WWC1: variants seen among roughly 807,000 people sequenced by gnomAD.
WWC1 encodes protein KIBRA.
Under a neutral mutation model 138.4 loss-of-function variants are expected in WWC1, and 55 were observed. The observed-to-expected ratio is 0.40, with a 90% CI of 0.32 to 0.50. WWC1 has a LOEUF of 0.50. WWC1 is among the 20% of genes least tolerant of loss of function. The pLI, the probability that WWC1 is intolerant of heterozygous loss-of-function variation, is 0.72. For missense variants in WWC1, 1,226 were observed against 1,420.4 expected, an observed-to-expected ratio of 0.86 and a Z score of 2.20; for synonymous variants, 524 against 564.9, an observed-to-expected ratio of 0.93 and a Z score of 1.03.
chr5:168,450,065 A>G (rs1261695944), intron 17 of WWC1, among the ~76,000 whole-genome samples: 1 of 152,188 alleles, frequency 6.6e-6, no homozygotes. Flanking sequence ...ACTCTCGCCG[A>G]GCTAGCTAGC....
chr5:168,352,441 A>G (rs1028261076), intron 1 of WWC1, among the ~76,000 whole-genome samples: 6 of 152,120 alleles, frequency 3.9e-5, no homozygotes, highest in Non-Finnish European at 8.8e-5. Flanking sequence ...TGCATGGTGC[A>G]TGGTGATTAG....
At chr5:168,376,112 G>A (rs1206746897) in intron 2 of WWC1, among the ~76,000 whole-genome samples, 2 of 150,000 alleles carry the variant, frequency 1.3e-5, no homozygotes, top group Non-Finnish European at 3.0e-5. Flanking sequence ...GTAGTGCAGT[G>A]ATGTGATCTT....
At chr5:168,383,885 G>A (rs1561686516) in intron 2 of WWC1, among the ~76,000 whole-genome samples, 2 of 152,014 alleles carry the variant, frequency 1.3e-5, no homozygotes, top group African/African-American at 4.8e-5. Context: ...TCCATATCTC[G>A]TCAGCTGCTT....
intron 15 of WWC1, among the ~76,000 whole-genome samples, chr5:168,436,188 G>T (rs6890669): frequency 0.33 from 49,795 of 151,896 alleles, 9,351 homozygotes; most frequent in African/African-American, 0.5. Flanking sequence ...TGTTCCTCAG[G>T]GAGCTCCTTG....
intron 15 of WWC1, among the ~76,000 whole-genome samples, chr5:168,437,660 C>T (rs998694266): frequency 5.9e-5 from 9 of 152,172 alleles, no homozygotes; most frequent in Middle Eastern, 3.2e-3. Flanking sequence ...TGAATGAATA[C>T]GTAAATGCCC....
intron 15 of WWC1, among the ~76,000 whole-genome samples, chr5:168,432,635 C>T (rs1006095384): frequency 6.6e-6 from 1 of 152,218 alleles, no homozygotes; most frequent in Non-Finnish European, 1.5e-5. Flanking sequence ...GGTCGCTCCA[C>T]TCATGCTCAG....
At chr5:168,462,237 G>GAA (rs1222569272) in intron 20 of WWC1, among the ~76,000 whole-genome samples, 7 of 51,274 alleles carry the variant, frequency 1.4e-4, no homozygotes, top group East Asian at 1.1e-3. Context: ...AGGGGGAACT[G>GAA]GAGAGAGGAG....
intron 8 of WWC1, among the ~76,000 whole-genome samples, chr5:168,412,606 T>A (rs1443094271): frequency 6.6e-6 from 1 of 152,172 alleles, no homozygotes; most frequent in Non-Finnish European, 1.5e-5. Context: ...TCAAAGCTGA[T>A]CTTGATAGAT....
intron 1 of WWC1, among the ~76,000 whole-genome samples, chr5:168,301,350 G>A (rs567935249): frequency 6.6e-6 from 1 of 152,280 alleles, no homozygotes; most frequent in African/African-American, 2.4e-5. Flanking sequence ...AAAATAGTAA[G>A]TGGGACTGGG....
chr5:168,441,414 GT>G (rs1206239304), intron 15 of WWC1, among the ~76,000 whole-genome samples: 5 of 151,898 alleles, frequency 3.3e-5, no homozygotes, highest in African/African-American at 7.3e-5. Context: ...TAAACTAAAG[GT>G]TTTTTTATCA....
chr5:168,446,086 C>T (rs987257243), intron 17 of WWC1, among the ~76,000 whole-genome samples: 25 of 138,508 alleles, frequency 1.8e-4, no homozygotes, highest in Middle Eastern at 3.6e-3. Flanking sequence ...CTGTTACTAA[C>T]GGAGAAAGTG....
At chr5:168,374,571 G>A (rs1777030032) in intron 2 of WWC1, among the ~76,000 whole-genome samples, 1 of 152,152 alleles carries the variant, frequency 6.6e-6, no homozygotes. Flanking sequence ...GGAGAGGGGA[G>A]AAGGACATCA....
At chr5:168,414,657 T>TG (rs1007811263) in intron 9 of WWC1, 67 bp downstream of exon 9, 5 of 1,478,048 alleles carry the variant, frequency 3.4e-6, no homozygotes, top group African/African-American at 2.8e-5. Flanking sequence ...AGCCCCCAGA[T>TG]GGGGGAAGAA....
chr5:168,327,227 G>A (rs952688048), intron 1 of WWC1, among the ~76,000 whole-genome samples: 1 of 152,078 alleles, frequency 6.6e-6, no homozygotes, highest in African/African-American at 2.4e-5. Context: ...ATGACTCAGG[G>A]CCCCCATTGG....
chr5:168,318,912 C>T (rs1771834066), intron 1 of WWC1, among the ~76,000 whole-genome samples: 2 of 152,214 alleles, frequency 1.3e-5, no homozygotes, highest in Admixed American at 1.3e-4. Context: ...TCTATGTTGT[C>T]GGCTGTGTCA....
rs1307046691 is a variant in WWC1, at chr5:168,468,973, C to T, written c.3298C>T (p.Arg1100Trp). The T allele has an allele frequency of 2.5e-6, 4 of 1,614,104 alleles. No individual in the cohort carries two copies. Among genetic ancestry groups the T allele is most frequent in the African/African-American group, 1.3e-5 (1 of 74,924 alleles). The change falls in exon 23 of 23, where the codon CGG becomes TGG. Residue 1100 changes from arginine to tryptophan, a missense_variant. This residue lies in a region of WWC1 where 206 missense variants were observed against 247.4 expected (regional missense o/e 0.83). Transcript: ENST00000265293. ...TAGGGAGAAGATGGCATTTTTCACC[C>T]GGCCTCGGATGAATATCCCAGCTCT... The part of the protein sequence containing the change: ...SFREKMAFFT[R>W]PRMNIPALSA...
At chr5:168,437,347 A>G (rs1454816302) in intron 15 of WWC1, among the ~76,000 whole-genome samples, 1 of 152,112 alleles carries the variant, frequency 6.6e-6, no homozygotes, top group Non-Finnish European at 1.5e-5. Flanking sequence ...TGTTATCTCT[A>G]CATTTTACTT....
intron 1 of WWC1, among the ~76,000 whole-genome samples, chr5:168,364,440 G>A (rs2152802367): frequency 6.6e-6 from 1 of 152,258 alleles, no homozygotes; most frequent in African/African-American, 2.4e-5. Flanking sequence ...ATTACCTGTG[G>A]CTCAGGCCGC....
intron 2 of WWC1, among the ~76,000 whole-genome samples, chr5:168,381,599 A>T (rs1002103062): frequency 1.3e-5 from 2 of 152,120 alleles, no homozygotes; most frequent in African/African-American, 2.4e-5. Context: ...TGAAATTTTT[A>T]AAAAATTCTC....
Sources: allele counts gnomAD v4.1 joint callset (sites outside exome capture counted in the v4.1 genomes callset), GRCh38; gene constraint gnomAD v4.1.1; regional missense constraint gnomAD v4.1.1; transcripts MANE v1.5; gene names NCBI Gene and HGNC (gene_info 2026-07-23, HGNC 2026-07-21).